STS: variants seen among roughly 807,000 people sequenced by gnomAD.
STS encodes steryl-sulfatase.
STS carries 7 observed loss-of-function variants against 26.8 expected under a neutral mutation model. That is an observed-to-expected ratio of 0.26 (90% CI 0.15 to 0.49). STS has a LOEUF of 0.49. Among genes scored for constraint, STS ranks in the 20% least tolerant of loss-of-function variants. STS has a pLI of 0.98. For synonymous variants in STS, 199 were observed against 189.4 expected, an observed-to-expected ratio of 1.05 and a Z score of -0.42; for missense variants, 434 against 465.6, an observed-to-expected ratio of 0.93 and a Z score of 0.63.
In STS at chrX:7,353,549, T is replaced by G. The variant is rs1419923169; in HGVS notation, c.*3288T>G. Reference sequence around the variant, plus strand: ...AGGTATCCTACCCTGGTGAAGCAGCTGCTTTGCTCTACAAATACCTGGGGC... The same window carrying G: ...AGGTATCCTACCCTGGTGAAGCAGCGGCTTTGCTCTACAAATACCTGGGGC... On this transcript the variant is annotated 3_prime_UTR_variant, in exon 11 of 11. Transcript: ENST00000674429. 9.0e-6 allele frequency: 1 copy of G among 111,005 alleles called. No individual in the cohort carries two copies. Among genetic ancestry groups the G allele is most frequent in the African/African-American group, 3.3e-5 (1 of 30,524 alleles). 9.1% of individuals were successfully genotyped at this position (111,005 alleles called of 1,213,427 possible).
intron 8 of STS, among the ~76,000 whole-genome samples, chrX:7,320,032 ATATT>A (rs1926927396): frequency 2.1e-5 from 2 of 93,390 alleles, no homozygotes; most frequent in South Asian, 8.6e-4. Flanking sequence ...ATTTATATAT[ATATT>A]TATATATTAT....
chrX:7,350,138 G>A lies in STS; in HGVS notation c.1614G>A (p.Glu538=), dbSNP rs376677184. 1.7e-6 allele frequency: 2 copies of A among 1,211,997 alleles called. No individual in the cohort carries two copies. Residue 538 remains glutamate (E), a synonymous_variant, in exon 11 of 11, where the codon GAG becomes GAA. Coordinates refer to ENST00000674429, the MANE Select transcript of STS (RefSeq NM_001320752.2). ...AADRHTQTLP[E]VPDQFSWNNF... ...ACAGACACACCCAGACCCTGCCAGA[G>A]GTGCCCGATCAGTTTTCATGGAACA... is the stretch of plus-strand genomic sequence containing the variant.
At position 7,325,437 on chromosome X, in the gene STS, A is replaced by G; in HGVS notation, c.1180A>G (p.Ser394Gly). ...QAGQKIDEPT[S>G]NMDIFPTVAK... ...TGGCCAGAAGATTGATGAGCCCACT[A>G]GCAACATGGACATATTTCCTACAGT... The change falls in exon 9 of 11, where the codon AGC becomes GGC. Residue 394 changes from serine (S) to glycine (G), a missense_variant. This residue lies in a region of STS where 205 missense variants were observed against 177.3 expected (regional missense o/e 1.16). Transcript: ENST00000674429. The G allele has an allele frequency of 8.3e-7, 1 of 1,211,351 alleles. No homozygotes were observed. The highest frequency in any genetic ancestry group is 1.1e-6 in the Non-Finnish European group (1 of 895,305).
intron 7 of STS, among the ~76,000 whole-genome samples, chrX:7,304,458 G>A (rs891159742): frequency 2.1e-4 from 23 of 111,187 alleles, no homozygotes; most frequent in African/African-American, 6.9e-4. Flanking sequence ...TGTGATGGAC[G>A]GTTTAGACTT....
rs1297093809 is a variant in STS at position 7,350,156 on chromosome X, A to G, written c.1632A>G (p.Ser544=). 8.3e-7 allele frequency: 1 copy of G among 1,210,422 alleles called. No individual in the cohort carries two copies. The highest frequency in any genetic ancestry group is 1.1e-6 in the Non-Finnish European group (1 of 895,153). ...TGCCAGAGGTGCCCGATCAGTTTTC[A>G]TGGAACAACTTTCTTTGGAAGCCCT... is the stretch of plus-strand genomic sequence containing the variant. ...QTLPEVPDQF[S]WNNFLWKPWL... The change falls in exon 11 of 11, where the codon TCA becomes TCG. Residue 544 remains serine (S), a synonymous_variant. Coordinates refer to ENST00000674429, the MANE Select transcript of STS (RefSeq NM_001320752.2).
intron 1 of STS, among the ~76,000 whole-genome samples, chrX:7,178,257 A>G (rs1473024533): frequency 8.9e-6 from 1 of 112,241 alleles, no homozygotes; most frequent in Non-Finnish European, 1.9e-5. Flanking sequence ...GTTTAAAGTA[A>G]GTTTTGCCCT....
At chrX:7,243,604 G>A (rs1283489966) in intron 2 of STS, among the ~76,000 whole-genome samples, 1 of 111,771 alleles carries the variant, frequency 8.9e-6, no homozygotes, top group Non-Finnish European at 1.9e-5. Context: ...GGAATGAGAG[G>A]GTAGCTGTAA....
At chrX:7,338,237 A>G (rs746102762) in intron 10 of STS, among the ~76,000 whole-genome samples, 64 of 111,684 alleles carry the variant, frequency 5.7e-4, no homozygotes, top group Non-Finnish European at 1.1e-3. Context: ...TGACAACTTG[A>G]TTTTATGGAT....
intron 1 of STS, 124 bp downstream of exon 1, chrX:7,148,207 C>T (rs751378514): frequency 1.2e-5 from 6 of 514,073 alleles, no homozygotes; most frequent in Admixed American, 5.7e-5. Flanking sequence ...CTCGCGCGCC[C>T]GGGGTCGCTC....
intron 8 of STS, among the ~76,000 whole-genome samples, chrX:7,312,759 T>A (rs1926543441): frequency 8.9e-6 from 1 of 111,891 alleles, no homozygotes; most frequent in Non-Finnish European, 1.9e-5. Flanking sequence ...TGTGGAACTG[T>A]GAGTCCATTA....
At chrX:7,240,114 C>T (rs747746040) in intron 2 of STS, among the ~76,000 whole-genome samples, 1 of 109,528 alleles carries the variant, frequency 9.1e-6, no homozygotes, top group South Asian at 4.0e-4. Flanking sequence ...TCAAGTGATC[C>T]ACCTGCCTTG....
chrX:7,181,835 C>T (rs1258492434), intron 1 of STS, among the ~76,000 whole-genome samples: 5 of 112,125 alleles, frequency 4.5e-5, no homozygotes, highest in African/African-American at 1.6e-4. Context: ...CCTATAATCC[C>T]AGCACTTTGG....
chrX:7,319,600 G>A (rs1356215801), intron 8 of STS, among the ~76,000 whole-genome samples: 3 of 110,264 alleles, frequency 2.7e-5, no homozygotes, highest in Admixed American at 9.8e-5. Flanking sequence ...ATGATGTACA[G>A]ATCAACTCCT....
intron 1 of STS, among the ~76,000 whole-genome samples, chrX:7,148,786 A>T (rs1602861082): frequency 8.9e-6 from 1 of 112,311 alleles, no homozygotes; most frequent in South Asian, 3.7e-4. Flanking sequence ...AGGCTGGTGC[A>T]TTGTCCCAGA....
chrX:7,331,801 T>A (rs1381786217), intron 9 of STS, among the ~76,000 whole-genome samples: 1 of 109,244 alleles, frequency 9.2e-6, no homozygotes, highest in East Asian at 2.9e-4. Context: ...CAGACCATAT[T>A]TCTGCAGCAC....
chrX:7,150,531 A>G (rs940182195), intron 1 of STS, among the ~76,000 whole-genome samples: 1 of 111,991 alleles, frequency 8.9e-6, no homozygotes, highest in South Asian at 3.7e-4. Context: ...AAAAAAGAGT[A>G]TTTTTCAAAG....
intron 1 of STS, among the ~76,000 whole-genome samples, chrX:7,178,725 T>A (rs1302408171): frequency 8.9e-6 from 1 of 112,543 alleles, no homozygotes; most frequent in African/African-American, 3.2e-5. Context: ...CTAGTCCTTC[T>A]CATGAAAGTG....
chrX:7,184,094 G>A (rs1255109140), intron 1 of STS, among the ~76,000 whole-genome samples: 1 of 112,301 alleles, frequency 8.9e-6, no homozygotes, highest in Non-Finnish European at 1.9e-5. Context: ...AGTGGCTTGA[G>A]TAACTTTGCA....
At chrX:7,325,299 A>T in intron 8 of STS, 40 bp from the exon 9 acceptor site, 1 of 1,201,574 alleles carries the variant, frequency 8.3e-7, no homozygotes, top group Admixed American at 2.2e-5. Context: ...AAAGGATTGA[A>T]ATCTCCCTGT....
Sources: gnomAD v4.1 joint callset for allele counts (sites outside exome capture counted in the v4.1 genomes callset) on GRCh38, gnomAD v4.1.1 for gene constraint, gnomAD v4.1.1 regional missense constraint, MANE v1.5 for transcripts, NCBI Gene and HGNC (gene_info 2026-07-23, HGNC 2026-07-21) for gene names.